Variants in SNAP47 observed in about 807,000 individuals in gnomAD.
SNAP47 encodes the protein synaptosome associated protein 47.
SNAP47 carries 20 observed loss-of-function variants against 31.4 expected under a neutral mutation model. That is an observed-to-expected ratio of 0.64 (90% CI 0.45 to 0.93). SNAP47 has a LOEUF of 0.93. Among genes scored for constraint, SNAP47 ranks in the 40% least tolerant of loss-of-function variants. The pLI, the probability that SNAP47 is intolerant of heterozygous loss-of-function variation, is 0.00. For missense variants in SNAP47, 492 were observed against 528.5 expected (o/e 0.93, Z 0.68); for synonymous variants, 194 against 213.4 (o/e 0.91, Z 0.79).
chr1:227,765,190 C>G (rs1663313618), intron 3 of SNAP47, among the ~76,000 whole-genome samples: 1 of 152,170 alleles, frequency 6.6e-6, no homozygotes, highest in Admixed American at 6.5e-5. Flanking sequence ...CATCACACAG[C>G]ACATTGCAGA....
chr1:227,768,469 T>C (rs558760234), intron 4 of SNAP47: 1 of 293,678 alleles, frequency 3.4e-6, no homozygotes, highest in African/African-American at 2.3e-5. Context: ...CTCTGTCTCT[T>C]ATGCCTGTTT....
chr1:227,747,670 G>A lies in SNAP47; in HGVS notation c.-45-22G>A, dbSNP rs1015016862. The A allele has an allele frequency of 1.9e-5, 29 of 1,564,764 alleles. No homozygotes were observed. The Middle Eastern group carries it at 6.9e-4, about 37-fold the overall frequency. ...TCCAGTCCATGGGTGACGGCAGAAC[G>A]TTACTGTCTCTTCTCCTTCAGAGGC... is the stretch of plus-strand genomic sequence containing the variant. On this transcript the variant is annotated intron_variant, in intron 1 of 4. Coordinates refer to ENST00000617596, the MANE Select transcript of SNAP47 (RefSeq NM_053052.4).
At chr1:227,779,546 TCTC>T (rs536404765) in intron 4 of SNAP47, among the ~76,000 whole-genome samples, 116 of 152,274 alleles carry the variant, frequency 7.6e-4, no homozygotes, top group Admixed American at 6.0e-3. Flanking sequence ...GAGGGTTCCT[TCTC>T]CTGACCTAAG....
intron 1 of SNAP47, 115 bp downstream of exon 1, chr1:227,735,614 C>G (rs913773265): frequency 5.7e-5 from 75 of 1,323,686 alleles, no homozygotes; most frequent in Non-Finnish European, 6.7e-5. Context: ...TCCCGCATCC[C>G]CGGGGGGTGG....
At chr1:227,771,241 T>C (rs1663783855) in intron 4 of SNAP47, among the ~76,000 whole-genome samples, 1 of 152,064 alleles carries the variant, frequency 6.6e-6, no homozygotes, top group Admixed American at 6.6e-5. Context: ...GGCTGTGAGG[T>C]TTTGTGATGC....
At position 227,735,617 on chromosome 1, in the gene SNAP47, G is replaced by C. The variant is rs1571973329; in HGVS notation, c.-46+118G>C. 7 of 1,326,262 alleles carry C rather than the reference G, an allele frequency of 5.3e-6. No individual in the cohort carries two copies. The East Asian group carries it at 1.9e-4, about 35-fold the overall frequency. 82.2% of individuals were successfully genotyped at this position (1,326,262 alleles called of 1,614,324 possible). Reference sequence around the variant, plus strand: ...CCGAGCCCTCCTTCCCGCATCCCCGGGGGGTGGGGGGTATGCGGGCTGCGC... The same window carrying C: ...CCGAGCCCTCCTTCCCGCATCCCCGCGGGGTGGGGGGTATGCGGGCTGCGC... On this transcript the variant is annotated intron_variant, in intron 1 of 4. Coordinates refer to ENST00000617596, the MANE Select transcript of SNAP47 (RefSeq NM_053052.4).
intron 1 of SNAP47, among the ~76,000 whole-genome samples, chr1:227,745,176 A>G (rs2102909353): frequency 6.6e-6 from 1 of 152,318 alleles, no homozygotes; most frequent in African/African-American, 2.4e-5. Context: ...ATTGTTTGTT[A>G]TAAACATCCA....
intron 3 of SNAP47, among the ~76,000 whole-genome samples, chr1:227,760,358 G>A (rs1662984417): frequency 6.6e-6 from 1 of 152,170 alleles, no homozygotes; most frequent in East Asian, 1.9e-4. Context: ...TCCTAGCCTG[G>A]CGCCCAAACA....
At chr1:227,776,179 A>G in intron 4 of SNAP47, 6 of 1,133,896 alleles carry the variant, frequency 5.3e-6, no homozygotes, top group Non-Finnish European at 6.6e-6. Context: ...GAGTCTGGCC[A>G]TGGGTCTGGC....
chr1:227,728,350 G>C (rs977984926), upstream of SNAP47, among the ~76,000 whole-genome samples: 20 of 152,186 alleles, frequency 1.3e-4, no homozygotes, highest in African/African-American at 2.9e-4. Context: ...CACCGGAGCG[G>C]GGGGGGCGGG....
chr1:227,776,266 AG>A (rs1469211398), intron 4 of SNAP47: 2 of 1,032,620 alleles, frequency 1.9e-6, no homozygotes, highest in African/African-American at 3.3e-5. Context: ...GGCATGCCCC[AG>A]GGCCAGCCTG....
rs1243048057 is a variant in SNAP47, at chr1:227,780,888, C to G, written c.*215C>G. On this transcript the variant is annotated 3_prime_UTR_variant, in exon 5 of 5. Transcript: ENST00000617596. ...GCTGTCCCTGCTGCTGGGCAGGACC[C>G]GGCCACATGTTCTGCGGATGCTGCA... 1.6e-6 allele frequency: 1 copy of G among 619,874 alleles called. No homozygotes were observed. The allele number at this position is 619,874 out of a possible 1,614,324, so 38.4% of individuals were successfully genotyped here. A position where few individuals can be genotyped will look rare whatever the true frequency, so the allele number is the denominator to read the frequency against.
upstream of SNAP47, chr1:227,734,375 AAAG>A: frequency 2.9e-6 from 1 of 340,328 alleles, no homozygotes; most frequent in Non-Finnish European, 5.2e-6. Flanking sequence ...AAAAAAAAAA[AAAG>A]CCGGGAGTGG....
intron 2 of SNAP47, among the ~76,000 whole-genome samples, chr1:227,751,712 C>T (rs1349051409): frequency 2.2e-5 from 3 of 138,364 alleles, no homozygotes; most frequent in African/African-American, 8.2e-5. Context: ...AAAAACAATG[C>T]GAAGGAATGG....
Position 227,741,627 on chromosome 1 carries a change from G to A in SNAP47, c.-45-6065G>A, listed in dbSNP as rs1661605597. On this transcript the variant is annotated intron_variant, in intron 1 of 4. Coordinates refer to ENST00000617596, the MANE Select transcript of SNAP47 (RefSeq NM_053052.4). This position sits in a 1 kb window ranked among gnomAD's most constrained non-coding sequence, Gnocchi z 4.2. The stretch of plus-strand genomic sequence containing the variant: ...GAGGTCTGGGGGCTGAGAGAGAGAG[G>A]GTGGGATCAGGGCCCCGGGAGGAGG... 6.6e-6 allele frequency among the ~76,000 whole-genome samples: 1 copy of A among 152,134 alleles called. No individual in the cohort carries two copies.
intron 3 of SNAP47, 77 bp from the exon 4 acceptor site, chr1:227,766,882 C>T (rs914250728): frequency 2.7e-5 from 42 of 1,573,584 alleles, no homozygotes; most frequent in African/African-American, 9.4e-5. Context: ...TCAAAGACCA[C>T]GCTCTGCCAT....
At chr1:227,735,554 C>T (rs1661072755) in intron 1 of SNAP47, 55 bp downstream of exon 1, 1 of 1,353,352 alleles carries the variant, frequency 7.4e-7, no homozygotes, top group Admixed American at 3.8e-5. Flanking sequence ...CCGTAGCGTC[C>T]GCCCTCGGCT....
rs1664442280 is a variant in SNAP47, at chr1:227,781,205, A to G, written c.*532A>G. On this transcript the variant is annotated 3_prime_UTR_variant, in exon 5 of 5. Coordinates refer to ENST00000617596, the MANE Select transcript of SNAP47 (RefSeq NM_053052.4). Reference sequence around the variant, plus strand: ...TTTAGGGCCCCGTTTCCATCCAGAAATAAAGGGAAATGCTGGCTTCAGAGT... The same window carrying G: ...TTTAGGGCCCCGTTTCCATCCAGAAGTAAAGGGAAATGCTGGCTTCAGAGT... 6.5e-6 allele frequency: 1 copy of G among 154,044 alleles called. No homozygotes were observed. The highest frequency in any genetic ancestry group is 2.0e-4 in the South Asian group (1 of 4,936). 9.5% of individuals were successfully genotyped at this position (154,044 alleles called of 1,614,324 possible).
chr1:227,737,237 C>A (rs1661277162), intron 1 of SNAP47, among the ~76,000 whole-genome samples: 1 of 152,208 alleles, frequency 6.6e-6, no homozygotes, highest in Non-Finnish European at 1.5e-5. Flanking sequence ...AGATTTATTG[C>A]CCCCGAAGCC....
Sources: allele counts gnomAD v4.1 joint callset (sites outside exome capture counted in the v4.1 genomes callset), GRCh38; gene constraint gnomAD v4.1.1; non-coding constraint Gnocchi (gnomAD v3.1); transcripts MANE v1.5; gene names NCBI Gene and HGNC (gene_info 2026-07-23, HGNC 2026-07-21).